MUC3A: variants seen among roughly 807,000 people sequenced by gnomAD.
The protein encoded by MUC3A is mucin 3A, cell surface associated, also known as mucin-3A.
In MUC3A, 109 loss-of-function variants were observed where a neutral mutation model predicts 109.0. The ratio of observed to expected loss-of-function variants is 1.00; its 90% CI spans 0.86 to 1.17. MUC3A has a LOEUF of 1.17. Among genes scored for constraint, MUC3A ranks in the 50% most tolerant of loss-of-function variants. The pLI is 0.00. For synonymous variants in MUC3A, 1,398 were observed against 981.4 expected (o/e 1.42, Z -7.93); for missense variants, 3,537 against 2,469.4 (o/e 1.43, Z -9.16).
chr7:100,960,169 C>T lies in MUC3A; in HGVS notation c.8390C>T (p.Ser2797Phe), dbSNP rs1389203237. 1.3e-6 allele frequency: 2 copies of T among 1,574,826 alleles called. No individual in the cohort carries two copies. The highest frequency in any genetic ancestry group is 1.7e-5 in the Admixed American group (1 of 58,914). The change falls in exon 2 of 12, where the codon TCT (serine) becomes TTT (phenylalanine). Residue 2797 changes from serine (S) to phenylalanine (F), a missense_variant. Coordinates refer to ENST00000379458, the MANE Select transcript of MUC3A (RefSeq NM_005960.2). ...ATGGATCCCAGCACTGAAGCTACTT[C>T]TCCTCCCACCACCCCATTAACAGTC... ...VEMDPSTEAT[S>F]PPTTPLTVFP...
chr7:100,957,618 A>C lies in MUC3A; in HGVS notation c.5839A>C (p.Asn1947His). The stretch of plus-strand genomic sequence containing the variant: ...TCCCAGATTCACTTCTTCAATCACC[A>C]ATACCAAGACCACCTCACACAGCTC... ...STPRFTSSIT[N>H]TKTTSHSSPS... The change falls in exon 2 of 12, where the codon AAT becomes CAT. Residue 1947 changes from asparagine to histidine, a missense_variant. By Grantham distance (68) the Asn-to-His change is moderately conservative (BLOSUM62 1). Transcript: ENST00000379458. 23 of 1,581,522 alleles carry C rather than the reference A, an allele frequency of 1.5e-5. No individual in the cohort carries two copies. In the South Asian group the frequency reaches 2.5e-4, roughly 17 times the overall value.
chr7:100,966,757 C>G lies in MUC3A; in HGVS notation c.9877+14C>G. 6.3e-7 allele frequency: 1 copy of G among 1,598,546 alleles called. No homozygotes were observed. On this transcript the variant is annotated intron_variant, in intron 10 of 11. Coordinates refer to ENST00000379458, the MANE Select transcript of MUC3A (RefSeq NM_005960.2). ...ACGACGGAACAGGTGAGTCCTGCCT[C>G]CTGGGGAAGCAGGCAGAGGCTTTCC...
Position 100,965,853 on chromosome 7 carries a change from GGT to G in MUC3A, c.9599_9600del (p.Gly3200AlafsTer76). ...HQGQCVLETS[G>X]PTCRCYSTDT... The stretch of plus-strand genomic sequence containing the variant: ...GGGCCAGTGCGTTCTGGAGACGAGC[GGT>G]CCCACGTGTCGGTAAGGCCCCGCTC... On this transcript the variant is annotated frameshift_variant, in exon 8 of 12. Transcript: ENST00000379458. LOFTEE classifies it high-confidence loss of function. 2.5e-6 allele frequency: 4 copies of G among 1,594,096 alleles called. No individual in the cohort carries two copies. Among genetic ancestry groups the G allele is most frequent in the Admixed American group, 1.7e-5 (1 of 59,696 alleles).
rs778296099 is a variant in MUC3A at position 100,965,735 on chromosome 7, T to G, written c.9480T>G (p.Tyr3160Ter). ...AICRRAAPTG[Y>*]EEFYFPLVEA... is the part of the protein sequence containing the mutation. ...GCCGCCGCGCCGCTCCCACGGGCTATGAAGAGTTCTACTTCCCCTTGGTGG... is the reference window on the plus strand; with the variant it reads ...GCCGCCGCGCCGCTCCCACGGGCTAGGAAGAGTTCTACTTCCCCTTGGTGG... The change falls in exon 8 of 12, where the codon TAT becomes TAG. Residue 3160 changes from tyrosine to a stop codon, truncating the protein, a stop_gained. Coordinates refer to ENST00000379458, the MANE Select transcript of MUC3A (RefSeq NM_005960.2). LOFTEE classifies it high-confidence loss of function. 29 of 1,598,354 alleles carry G rather than the reference T, an allele frequency of 1.8e-5. No individual in the cohort carries two copies. Among genetic ancestry groups the G allele is most frequent in the South Asian group, 1.8e-4 (16 of 91,034 alleles).
intron 5 of MUC3A, 34 bp from the exon 6 acceptor site, chr7:100,964,661 G>A (rs1792460773): frequency 6.3e-7 from 1 of 1,579,368 alleles, no homozygotes; most frequent in Non-Finnish European, 8.6e-7. Flanking sequence ...TATGTTCCTG[G>A]CTGGGGCACT....
In MUC3A at chr7:100,955,973, T is replaced by C. The variant is rs1792085640; in HGVS notation, c.4194T>C (p.Thr1398=). ...TSSITPTDTM[T]SMRTTTSWPT... ...CAATCACTCCCACCGATACAATGAC[T>C]TCTATGAGAACTACGACCTCTTGGC... The change falls in exon 2 of 12, where the codon ACT becomes ACC. Residue 1398 remains threonine (T), a synonymous_variant. Transcript: ENST00000379458. The C allele has an allele frequency of 2.0e-6, 1 of 511,050 alleles. No homozygotes were observed. The highest frequency in any genetic ancestry group is 3.0e-5 in the Admixed American group (1 of 33,692). 31.7% of individuals were successfully genotyped at this position (511,050 alleles called of 1,614,324 possible).
At chr7:100,962,672 TTTTTTCTTTCTC>T (rs1180906626) in intron 3 of MUC3A, among the ~76,000 whole-genome samples, 1 of 57,850 alleles carries the variant, frequency 1.7e-5, no homozygotes, top group Admixed American at 2.1e-4. Context: ...TCTCTTTTCT[TTTTTTCTTTCTC>T]TTTTTCTTTC....
intron 3 of MUC3A, 200 bp downstream of exon 3, chr7:100,961,137 C>A: frequency 1.1e-6 from 1 of 934,318 alleles, no homozygotes; most frequent in Non-Finnish European, 1.3e-6. Flanking sequence ...CTGGGACTAC[C>A]CTCCCTCCTG....
intron 4 of MUC3A, 61 bp downstream of exon 4, chr7:100,963,327 C>A: frequency 7.9e-7 from 1 of 1,259,436 alleles, no homozygotes; most frequent in Non-Finnish European, 1.1e-6. Context: ...GCACTCTCAC[C>A]CTGGCTGGAG....
rs772981838 is a variant in MUC3A, at chr7:100,962,819, T to C, written c.9053-332T>C. Among the ~76,000 whole-genome samples the C allele has an allele frequency of 2.3e-3, 119 of 52,326 alleles. 1 individual carries two copies. The highest frequency in any genetic ancestry group is 5.4e-3 in the African/African-American group (67 of 12,432). The allele number at this position is 52,326 out of a possible 152,430, so 34.3% of individuals were successfully genotyped here. ...TCTTTCTCTCTCTCTCTCTCTTTCT[T>C]TCTTTCTTTCTTTCTTTTTCTCTCT... On this transcript the variant is annotated intron_variant, in intron 3 of 11. Transcript: ENST00000379458.
At chr7:100,961,960 A>AATTATCTGGGCTTGGTGG (rs2116210035) in intron 3 of MUC3A, among the ~76,000 whole-genome samples, 130 of 122,066 alleles carry the variant, frequency 1.1e-3, no homozygotes, top group East Asian at 4.5e-3. Context: ...AATTTTAAAA[A>AATTATCTGGGCTTGGTGG]CTTACCTCAC....
At chr7:100,965,929 T>TACTCATTCTAGGATGAAGCCTA in intron 8 of MUC3A, 63 bp downstream of exon 8, 1 of 1,530,018 alleles carries the variant, frequency 6.5e-7, no homozygotes, top group Non-Finnish European at 8.8e-7. Context: ...GATGAAGCCC[T>TACTCATTCTAGGATGAAGCCTA]GCCCCATGCT....
intron 5 of MUC3A, 38 bp from the exon 6 acceptor site, chr7:100,964,657 C>T: frequency 1.9e-6 from 3 of 1,576,138 alleles, no homozygotes; most frequent in African/African-American, 1.3e-5. Flanking sequence ...CCCATATGTT[C>T]CTGGCTGGGG....
At position 100,958,589 on chromosome 7, in the gene MUC3A, T is replaced by C; in HGVS notation, c.6810T>C (p.Thr2270=). ...ITTTETTSHD[T]PSFTSSITTS... is the part of the protein sequence containing the mutation. Reference sequence around the variant, plus strand: ...CCACTGAGACCACCTCACATGATACTCCCAGCTTCACTTCTTCAATCACCA... The same window carrying C: ...CCACTGAGACCACCTCACATGATACCCCCAGCTTCACTTCTTCAATCACCA... The change falls in exon 2 of 12, where the codon ACT becomes ACC. Residue 2270 remains threonine (T), a synonymous_variant. Transcript: ENST00000379458. The C allele has an allele frequency of 7.2e-7, 1 of 1,386,070 alleles. No homozygotes were observed. The highest frequency in any genetic ancestry group is 1.2e-5 in the South Asian group (1 of 86,436). 85.9% of individuals were successfully genotyped at this position (1,386,070 alleles called of 1,614,324 possible).
In MUC3A at chr7:100,967,280, G is replaced by A. The variant is rs1792629761; in HGVS notation, c.*118G>A. 1.4e-6 allele frequency: 2 copies of A among 1,478,392 alleles called. No individual in the cohort carries two copies. The highest frequency in any genetic ancestry group is 9.1e-7 in the Non-Finnish European group (1 of 1,093,544). The allele number at this position is 1,478,392 out of a possible 1,614,324, so 91.6% of individuals were successfully genotyped here. A position where few individuals can be genotyped will look rare whatever the true frequency, so the allele number is the denominator to read the frequency against. Reference sequence around the variant, plus strand: ...GCAGCCCAGGCTCCTGCTGTTCTTGGGCAAGATGAGACTGTTCCCCCAAAT... The same window carrying A: ...GCAGCCCAGGCTCCTGCTGTTCTTGAGCAAGATGAGACTGTTCCCCCAAAT... On this transcript the variant is annotated 3_prime_UTR_variant, in exon 12 of 12. Transcript: ENST00000379458.
Position 100,957,816 on chromosome 7 carries a change from A to C in MUC3A, c.6037A>C (p.Ile2013Leu). 1.1e-6 allele frequency: 1 copy of C among 929,662 alleles called. No individual in the cohort carries two copies. Among genetic ancestry groups the C allele is most frequent in the South Asian group, 1.3e-5 (1 of 76,712 alleles). The allele number at this position is 929,662 out of a possible 1,614,324, so 57.6% of individuals were successfully genotyped here. The change falls in exon 2 of 12, where the codon ATC becomes CTC. Residue 2013 changes from isoleucine to leucine, a missense_variant. Coordinates refer to ENST00000379458, the MANE Select transcript of MUC3A (RefSeq NM_005960.2). ...SHSTPSFTSSITTTETTSHNT... is the reference protein window; with the variant it reads ...SHSTPSFTSSLTTTETTSHNT... ...CAGTACTCCCAGCTTCACTTCTTCCATCACCACCACTGAGACCACATCCCA... is the reference window on the plus strand; with the variant it reads ...CAGTACTCCCAGCTTCACTTCTTCCCTCACCACCACTGAGACCACATCCCA...
Position 100,967,422 on chromosome 7 carries a change from A to G in MUC3A, c.*260A>G. On this transcript the variant is annotated 3_prime_UTR_variant, in exon 12 of 12. Coordinates refer to ENST00000379458, the MANE Select transcript of MUC3A (RefSeq NM_005960.2). ...AACGAGCCTCAGTTTCCTCACCTGC[A>G]AAACGGGTACAGCATTCCTGTATGA... The G allele has an allele frequency of 6.6e-6, 4 of 608,800 alleles. No individual in the cohort carries two copies. In the South Asian group the frequency reaches 8.1e-5, roughly 12 times the overall value. 37.7% of individuals were successfully genotyped at this position (608,800 alleles called of 1,614,324 possible).
At position 100,952,895 on chromosome 7, in the gene MUC3A, C is replaced by T; in HGVS notation, c.1116C>T (p.Ser372=). Residue 372 remains serine, a synonymous_variant, in exon 2 of 12, where the codon TCC becomes TCT. Transcript: ENST00000379458. ...AGACTTCTCTCCCACCCACCTCTTC[C>T]TCTCTCCCAACCACAGAAACAGCCA... is the stretch of plus-strand genomic sequence containing the variant. ...STETSLPPTS[S]SLPTTETATT... is the part of the protein sequence containing the mutation. The T allele has an allele frequency of 1.9e-6, 3 of 1,572,618 alleles. No homozygotes were observed. The highest frequency in any genetic ancestry group is 3.6e-5 in the Admixed American group (2 of 56,310).
Position 100,957,771 on chromosome 7 carries a change from A to G in MUC3A, c.5992A>G (p.Thr1998Ala). ...TCCCAGCTACACTTCTTTGATCACC[A>G]CAACCACCACCACCTCACACAGTAC... ...STPSYTSLIT[T>A]TTTTSHSTPS... Residue 1998 changes from threonine (T) to alanine (A), a missense_variant, in exon 2 of 12, where the codon ACA becomes GCA. Thr to Ala is a moderately conservative substitution (Grantham distance 58). Transcript: ENST00000379458. 8.1e-7 allele frequency: 1 copy of G among 1,235,266 alleles called. No individual in the cohort carries two copies. Among genetic ancestry groups the G allele is most frequent in the Non-Finnish European group, 1.1e-6 (1 of 875,802 alleles). The allele number at this position is 1,235,266 out of a possible 1,614,324, so 76.5% of individuals were successfully genotyped here.
Sources: gnomAD v4.1 joint callset for allele counts (sites outside exome capture counted in the v4.1 genomes callset) on GRCh38, gnomAD v4.1.1 for gene constraint, MANE v1.5 for transcripts, NCBI Gene and HGNC (gene_info 2026-07-23, HGNC 2026-07-21) for gene names.